Variants in SYPL2 observed in about 807,000 individuals in gnomAD.
The protein encoded by SYPL2 is synaptophysin-like protein 2.
Under a neutral mutation model 31.3 loss-of-function variants are expected in SYPL2, and 24 were observed. The ratio of observed to expected loss-of-function variants is 0.77; its 90% confidence interval spans 0.56 to 1.08. The LOEUF (loss-of-function observed/expected upper bound fraction) is 1.08, where lower values mean the gene tolerates loss of function less well. SYPL2 is among the 50% of genes least tolerant of loss of function. The pLI, the probability that SYPL2 is intolerant of heterozygous loss-of-function variation, is 0.00. For missense variants in SYPL2, 342 were observed against 360.1 expected, an observed-to-expected ratio of 0.95 and a Z score of 0.41; for synonymous variants, 144 against 143.1, an observed-to-expected ratio of 1.01 and a Z score of -0.05.
chr1:109,475,686 G>A lies in SYPL2; in HGVS notation c.235G>A (p.Ala79Thr). 3 of 1,614,020 alleles carry A rather than the reference G, an allele frequency of 1.9e-6. No homozygotes were observed. Among genetic ancestry groups the A allele is most frequent in the Non-Finnish European group, 2.5e-6 (3 of 1,179,922 alleles). ...CAAGGACGTGAGCTCCATCATCGTT[G>A]CATTTGGCTATCCCTTCAGGTGAGC... Reference protein sequence around the residue: ...EAKDVSSIIVAFGYPFRLHRI... With the variant: ...EAKDVSSIIVTFGYPFRLHRI... Residue 79 changes from alanine to threonine, a missense_variant, in exon 3 of 6, where the codon GCA becomes ACA. Ala to Thr is a moderately conservative substitution (Grantham distance 58, BLOSUM62 0). Coordinates refer to ENST00000369872, the MANE Select transcript of SYPL2 (RefSeq NM_001040709.2).
At position 109,466,794 on chromosome 1, in the gene SYPL2, C is replaced by T. The variant is rs1254823836; in HGVS notation, c.-50C>T. On this transcript the variant is annotated 5_prime_UTR_variant, in exon 1 of 6. Transcript: ENST00000369872. ...CTCCCCCGCCGTGTCCGCCGCCTCCCGGCCAGAGAGCCAAGCCACCACGCC... is the reference window on the plus strand; with the variant it reads ...CTCCCCCGCCGTGTCCGCCGCCTCCTGGCCAGAGAGCCAAGCCACCACGCC... 21 of 1,487,100 alleles carry T rather than the reference C, an allele frequency of 1.4e-5. No homozygotes were observed. The highest frequency in any genetic ancestry group is 1.8e-5 in the Non-Finnish European group (20 of 1,127,382). The allele number at this position is 1,487,100 out of a possible 1,614,324, so 92.1% of individuals were successfully genotyped here. A position where few individuals can be genotyped will look rare whatever the true frequency, so the allele number is the denominator to read the frequency against.
chr1:109,476,675 C>T (rs568268761), intron 3 of SYPL2, 101 bp from the exon 4 acceptor site: 556 of 1,238,704 alleles, frequency 4.5e-4, no homozygotes, highest in Non-Finnish European at 5.9e-4. Flanking sequence ...CCTTTCTTGG[C>T]TCTGTAAGAG....
intron 2 of SYPL2, among the ~76,000 whole-genome samples, chr1:109,467,474 G>C (rs558265474): frequency 6.6e-6 from 1 of 152,304 alleles, no homozygotes; most frequent in Admixed American, 6.5e-5. Flanking sequence ...TGACGGGAGG[G>C]GGGAGAAGGA....
In SYPL2 at chr1:109,478,225, C is replaced by A; in HGVS notation, c.648+216C>A. ...GGGAACCCAAAAGCCACTTAGCCTT[C>A]TGTTCCTTCCTCCTTCTGCACTCTG... On this transcript the variant is annotated intron_variant, in intron 5 of 5. Transcript: ENST00000369872. This position sits in a 1 kb window ranked among gnomAD's most constrained non-coding sequence, Gnocchi z 4.0. The A allele has an allele frequency of 3.2e-6, 2 of 628,232 alleles. No homozygotes were observed. The highest frequency in any genetic ancestry group is 4.0e-6 in the Non-Finnish European group (2 of 503,482). The allele number at this position is 628,232 out of a possible 1,614,324, so 38.9% of individuals were successfully genotyped here.
At position 109,466,617 on chromosome 1, in the gene SYPL2, G is replaced by T; in HGVS notation, c.-227G>T. ...GAGTCGGGGGCTTTCTGCTGCCGGCGGGGCACCGCGGCGGCCGCAGCCTCT... is the reference window on the plus strand; with the variant it reads ...GAGTCGGGGGCTTTCTGCTGCCGGCTGGGCACCGCGGCGGCCGCAGCCTCT... On this transcript the variant is annotated 5_prime_UTR_variant, in exon 1 of 6. Coordinates refer to ENST00000369872, the MANE Select transcript of SYPL2 (RefSeq NM_001040709.2). 2.5e-6 allele frequency: 1 copy of T among 407,878 alleles called. No individual in the cohort carries two copies. The highest frequency in any genetic ancestry group is 4.3e-6 in the Non-Finnish European group (1 of 234,236). The allele number at this position is 407,878 out of a possible 1,614,324, so 25.3% of individuals were successfully genotyped here. A position where few individuals can be genotyped will look rare whatever the true frequency, so the allele number is the denominator to read the frequency against.
chr1:109,467,083 C>T lies in SYPL2; in HGVS notation c.79C>T (p.Arg27Cys), dbSNP rs367559384. The change falls in exon 2 of 6, where the codon CGC becomes TGC. Residue 27 changes from arginine to cysteine, a missense_variant. Physicochemically the swap from Arg to Cys is radical, Grantham distance 180. Coordinates refer to ENST00000369872, the MANE Select transcript of SYPL2 (RefSeq NM_001040709.2). ...QQVDRLLVGL[R>C]WRRLEEPLGF... Reference sequence around the variant, plus strand: ...GGTGGACCGCCTACTCGTGGGGCTGCGCTGGCGGCGGCTGGAGGAGCCGCT... The same window carrying T: ...GGTGGACCGCCTACTCGTGGGGCTGTGCTGGCGGCGGCTGGAGGAGCCGCT... The T allele has an allele frequency of 1.8e-4, 273 of 1,545,232 alleles. No individual in the cohort carries two copies. Among genetic ancestry groups the T allele is most frequent in the Non-Finnish European group, 2.2e-4 (253 of 1,146,028 alleles).
At position 109,477,970 on chromosome 1, in the gene SYPL2, C is replaced by T. The variant is rs765847199; in HGVS notation, c.609C>T (p.Ala203=). 25 of 1,614,206 alleles carry T rather than the reference C, an allele frequency of 1.5e-5. No homozygotes were observed. Among genetic ancestry groups the T allele is most frequent in the East Asian group, 6.7e-5 (3 of 44,878 alleles). Residue 203 remains alanine, a synonymous_variant, in exon 5 of 6, where the codon GCC becomes GCT. Coordinates refer to ENST00000369872, the MANE Select transcript of SYPL2 (RefSeq NM_001040709.2). Reference sequence around the variant, plus strand: ...ATGGAGAGGAAGCAGTGTGCAGTGCCGGGGCCACGCCCTCTATGGGCCTGG... The same window carrying T: ...ATGGAGAGGAAGCAGTGTGCAGTGCTGGGGCCACGCCCTCTATGGGCCTGG... ...VCHGEEAVCS[A]GATPSMGLAN...
At chr1:109,468,969 A>G (rs1307378353) in intron 2 of SYPL2, among the ~76,000 whole-genome samples, 2 of 152,242 alleles carry the variant, frequency 1.3e-5, no homozygotes, top group African/African-American at 4.8e-5. Context: ...TCAGAATGCT[A>G]AAACCTGGGC....
intron 2 of SYPL2, chr1:109,475,375 T>G: frequency 1.6e-6 from 1 of 606,612 alleles, no homozygotes. Context: ...CAACCTTGTA[T>G]TCATTTGGCT....
At chr1:109,475,796 C>T in intron 3 of SYPL2, 91 bp downstream of exon 3, 2 of 1,513,374 alleles carry the variant, frequency 1.3e-6, no homozygotes, top group Non-Finnish European at 1.8e-6. Context: ...AACCTAAAAA[C>T]CATTCATTGC....
At position 109,479,333 on chromosome 1, in the gene SYPL2, A is replaced by G. The variant is rs532831271; in HGVS notation, c.649-45A>G. 2.1e-5 allele frequency: 33 copies of G among 1,601,206 alleles called. No individual in the cohort carries two copies. The East Asian group carries it at 3.8e-4, about 18-fold the overall frequency. On this transcript the variant is annotated intron_variant, in intron 5 of 5. Coordinates refer to ENST00000369872, the MANE Select transcript of SYPL2 (RefSeq NM_001040709.2). ...GGAACTCCCCCTCCCTGTTCCCACA[A>G]TGACCCCCTGACTATTCTCACAAAT... is the stretch of plus-strand genomic sequence containing the variant.
chr1:109,474,495 A>G (rs1655939661), intron 2 of SYPL2, among the ~76,000 whole-genome samples: 1 of 150,984 alleles, frequency 6.6e-6, no homozygotes, highest in Non-Finnish European at 1.5e-5. Context: ...GCGACACTCT[A>G]CCGCCAGGCT....
In SYPL2 at chr1:109,479,361, C is replaced by T; in HGVS notation, c.649-17C>T. ...ACCCCCTGACTATTCTCACAAATTCCCCTGATGTCTTTGCAGCTCTTTGGC... is the reference window on the plus strand; with the variant it reads ...ACCCCCTGACTATTCTCACAAATTCTCCTGATGTCTTTGCAGCTCTTTGGC... On this transcript the variant is annotated splice_polypyrimidine_tract_variant and intron_variant, in intron 5 of 5. Coordinates refer to ENST00000369872, the MANE Select transcript of SYPL2 (RefSeq NM_001040709.2). 2 of 1,613,062 alleles carry T rather than the reference C, an allele frequency of 1.2e-6. No individual in the cohort carries two copies. The highest frequency in any genetic ancestry group is 2.7e-5 in the African/African-American group (2 of 75,018).
At chr1:109,469,621 T>C (rs534361362) in intron 2 of SYPL2, among the ~76,000 whole-genome samples, 2 of 151,510 alleles carry the variant, frequency 1.3e-5, no homozygotes, top group East Asian at 3.9e-4. Context: ...GGTGGGAGGA[T>C]TGCTTGAGCC....
chr1:109,472,211 G>A (rs1655857405), intron 2 of SYPL2, among the ~76,000 whole-genome samples: 1 of 151,880 alleles, frequency 6.6e-6, no homozygotes, highest in East Asian at 1.9e-4. Flanking sequence ...TGACCTCCTG[G>A]GCTCAAGAGA....
rs1026861314 is a variant in SYPL2, at chr1:109,466,775, C to G, written c.-69C>G. 1.9e-5 allele frequency: 27 copies of G among 1,445,268 alleles called. No individual in the cohort carries two copies. Among genetic ancestry groups the G allele is most frequent in the Non-Finnish European group, 2.2e-5 (24 of 1,105,076 alleles). 89.5% of individuals were successfully genotyped at this position (1,445,268 alleles called of 1,614,324 possible). ...CCGGACCTGCAGCTCCCCGCTCCCC[C>G]GCCGTGTCCGCCGCCTCCCGGCCAG... On this transcript the variant is annotated 5_prime_UTR_variant, in exon 1 of 6. Transcript: ENST00000369872.
intron 2 of SYPL2, among the ~76,000 whole-genome samples, chr1:109,472,676 A>G (rs545964118): frequency 1.1e-3 from 145 of 131,502 alleles, no homozygotes; most frequent in African/African-American, 4.2e-3. Flanking sequence ...CAGTGGCATG[A>G]TCATAGCTCA....
Position 109,472,082 on chromosome 1 carries a change from G to T in SYPL2, c.130-3499G>T, listed in dbSNP as rs189661221. On this transcript the variant is annotated intron_variant, in intron 2 of 5. Transcript: ENST00000369872. ...TGGCTAGGGGCTACTGTTTTGGATA[G>T]TGCAGCTCTAGAGTATGAGCCCCAT... 2.6e-5 allele frequency among the ~76,000 whole-genome samples: 4 copies of T among 152,162 alleles called. No individual in the cohort carries two copies. In the East Asian group the frequency reaches 7.7e-4, roughly 29 times the overall value.
chr1:109,476,918 C>T lies in SYPL2; in HGVS notation c.397C>T (p.Leu133=), dbSNP rs1173939529. The T allele has an allele frequency of 6.2e-7, 1 of 1,614,034 alleles. No individual in the cohort carries two copies. The highest frequency in any genetic ancestry group is 2.2e-5 in the East Asian group (1 of 44,900). The stretch of plus-strand genomic sequence containing the variant: ...TTCCTTCTTCTATACCATGGCTGCC[C>T]TAGTTATCTACCTGCGCTTCCACAA... The part of the protein sequence containing the change: ...IFSFFYTMAA[L]VIYLRFHNLY... Residue 133 remains leucine, a synonymous_variant, in exon 4 of 6, where the codon CTA becomes TTA. Coordinates refer to ENST00000369872, the MANE Select transcript of SYPL2 (RefSeq NM_001040709.2).
Sources: gnomAD v4.1 joint callset for allele counts (sites outside exome capture counted in the v4.1 genomes callset) on GRCh38, gnomAD v4.1.1 for gene constraint, Gnocchi (gnomAD v3.1) non-coding constraint, MANE v1.5 for transcripts, NCBI Gene and HGNC (gene_info 2026-07-23, HGNC 2026-07-21) for gene names.